Variants in PDE5A observed in about 807,000 individuals in gnomAD.
PDE5A encodes cGMP-specific 3',5'-cyclic phosphodiesterase.
A neutral mutation model predicts 110.2 loss-of-function variants in PDE5A; 67 were observed. The observed-to-expected ratio is 0.61, with a 90% CI of 0.50 to 0.75. The LOEUF is 0.75. PDE5A is among the 30% of genes least tolerant of loss of function. PDE5A has a pLI of 0.00. For missense variants in PDE5A, 862 were observed against 1,045.1 expected (o/e 0.82, Z 2.42); for synonymous variants, 328 against 351.2 (o/e 0.93, Z 0.74).
intron 7 of PDE5A, among the ~76,000 whole-genome samples, chr4:119,554,243 TTCTG>T (rs1450101240): frequency 6.6e-6 from 1 of 152,290 alleles, no homozygotes; most frequent in South Asian, 2.1e-4. Context: ...TTCTTTCTCC[TTCTG>T]TCTTTTTGTC....
At chr4:119,574,416 T>G (rs1223297060) in intron 3 of PDE5A, among the ~76,000 whole-genome samples, 2 of 151,902 alleles carry the variant, frequency 1.3e-5, no homozygotes, top group African/African-American at 4.8e-5. Context: ...CTCCTGACCT[T>G]GCGATCTGCC....
intron 12 of PDE5A, among the ~76,000 whole-genome samples, chr4:119,524,952 C>T (rs1238816532): frequency 1.3e-5 from 2 of 152,046 alleles, no homozygotes; most frequent in Non-Finnish European, 2.9e-5. Flanking sequence ...AGGTTAAAAT[C>T]AGTTTTCATC....
intron 9 of PDE5A, among the ~76,000 whole-genome samples, chr4:119,550,714 AAAT>A (rs1178231644): frequency 1.3e-5 from 2 of 152,222 alleles, no homozygotes; most frequent in African/African-American, 4.8e-5. Context: ...ACTTACTAGT[AAAT>A]AATGCATTCC....
At position 119,606,924 on chromosome 4, in the gene PDE5A, T is replaced by C. The variant is rs200837957; in HGVS notation, c.526A>G (p.Ile176Val). Reference sequence around the variant, plus strand: ...CGGTCAGCAGATATCAGTCCATGGATATGCAAGAAAATTTTGTGACATAAG... The same window carrying C: ...CGGTCAGCAGATATCAGTCCATGGACATGCAAGAAAATTTTGTGACATAAG... The part of the protein sequence containing the change: ...TALCHKIFLH[I>V]HGLISADRYS... Residue 176 changes from isoleucine to valine, a missense_variant, in exon 2 of 21, where the codon ATC becomes GTC. Physicochemically the swap from Ile to Val is conservative, Grantham distance 29. Transcript: ENST00000354960. 5.0e-6 allele frequency: 8 copies of C among 1,614,106 alleles called. No individual in the cohort carries two copies. Among genetic ancestry groups the C allele is most frequent in the South Asian group, 1.1e-5 (1 of 91,088 alleles).
rs2110573601 is a variant in PDE5A, at chr4:119,627,402, G to A, written c.152+1118C>T. 1 of 677,306 alleles carries A rather than the reference G, an allele frequency of 1.5e-6. No individual in the cohort carries two copies. Among genetic ancestry groups the A allele is most frequent in the Non-Finnish European group, 1.8e-6 (1 of 547,704 alleles). The allele number at this position is 677,306 out of a possible 1,614,324, so 42.0% of individuals were successfully genotyped here. ...GAGCCGCGGCCGCGCGCCGGCGAGT[G>A]GGACCCGGGCGTCGAACCCGGGCGG... On this transcript the variant is annotated intron_variant, in intron 1 of 20. Coordinates refer to ENST00000354960, the MANE Select transcript of PDE5A (RefSeq NM_001083.4). The surrounding 1 kb of genome is among the most constrained non-coding windows in gnomAD (Gnocchi z 4.6).
intron 3 of PDE5A, among the ~76,000 whole-genome samples, chr4:119,581,815 T>A (rs1052509023): frequency 1.3e-5 from 2 of 152,256 alleles, no homozygotes; most frequent in African/African-American, 2.4e-5. Flanking sequence ...ATTTTTAGAC[T>A]ATACTGTAAT....
chr4:119,628,532 C>G lies in PDE5A; in HGVS notation c.140G>C (p.Arg47Thr), dbSNP rs200377039. 1.6e-5 allele frequency: 25 copies of G among 1,581,986 alleles called. No individual in the cohort carries two copies. The highest frequency in any genetic ancestry group is 2.2e-5 in the Non-Finnish European group (25 of 1,159,746). The change falls in exon 1 of 21, where the codon AGA becomes ACA. Residue 47 changes from arginine (R) to threonine (T), a missense_variant. Physicochemically the swap from Arg to Thr is moderately conservative, Grantham distance 71 (BLOSUM62 -1). Coordinates refer to ENST00000354960, the MANE Select transcript of PDE5A (RefSeq NM_001083.4). ...GTCCTCTTCTTACCTGGTGGCTTTT[C>G]TAACAAAGTATGAGAAGGTAAAGTC... The part of the protein sequence containing the change: ...HWDFTFSYFV[R>T]KATREMVNAW...
At chr4:119,595,611 C>T (rs1226072401) in intron 3 of PDE5A, among the ~76,000 whole-genome samples, 1 of 152,144 alleles carries the variant, frequency 6.6e-6, no homozygotes, top group Non-Finnish European at 1.5e-5. Flanking sequence ...CTTCTCCCTC[C>T]TCTGAGACAA....
At chr4:119,600,840 C>T (rs1450107754) in intron 2 of PDE5A, among the ~76,000 whole-genome samples, 1 of 152,104 alleles carries the variant, frequency 6.6e-6, no homozygotes, top group Non-Finnish European at 1.5e-5. Context: ...TTGATGAACA[C>T]AGTATTTACA....
At chr4:119,566,946 G>T in intron 4 of PDE5A, 127 bp downstream of exon 4, 1 of 706,112 alleles carries the variant, frequency 1.4e-6, no homozygotes, top group Non-Finnish European at 2.6e-6. Flanking sequence ...GAACATTTCA[G>T]ATCATTTTTA....
intron 2 of PDE5A, among the ~76,000 whole-genome samples, chr4:119,602,483 T>C (rs1729380863): frequency 6.6e-6 from 1 of 152,116 alleles, no homozygotes; most frequent in Non-Finnish European, 1.5e-5. Context: ...ATAAGGCTGG[T>C]TTTCTTCCAC....
chr4:119,521,400 G>A (rs771331656), intron 12 of PDE5A, among the ~76,000 whole-genome samples: 3 of 150,208 alleles, frequency 2.0e-5, no homozygotes, highest in East Asian at 2.0e-4. Flanking sequence ...AAAGGTCCAT[G>A]TGTCCATGTG....
chr4:119,499,207 A>G (rs1052803422), intron 20 of PDE5A, among the ~76,000 whole-genome samples: 2 of 152,212 alleles, frequency 1.3e-5, no homozygotes, highest in East Asian at 3.9e-4. Flanking sequence ...TACCAATTAT[A>G]GTGCCATAAA....
chr4:119,551,791 CT>C (rs1727365145), intron 9 of PDE5A: 1 of 152,144 alleles, frequency 6.6e-6, no homozygotes, highest in African/African-American at 2.4e-5. Context: ...AGTATTCAGA[CT>C]TTTAAAGTTA....
chr4:119,618,120 T>C (rs1416817968), intron 1 of PDE5A, among the ~76,000 whole-genome samples: 2 of 152,268 alleles, frequency 1.3e-5, no homozygotes, highest in East Asian at 3.9e-4. Flanking sequence ...AACCCCAGAA[T>C]CACCTCTTTC....
chr4:119,537,777 C>T (rs2256645), intron 11 of PDE5A, among the ~76,000 whole-genome samples: 147,524 of 151,670 alleles, frequency 0.97, 71,880 homozygotes, highest in East Asian at 1. Context: ...CTCAAACTTA[C>T]CTTGTCCTAA....
chr4:119,559,838 C>T (rs913251114), intron 7 of PDE5A, among the ~76,000 whole-genome samples: 30 of 152,030 alleles, frequency 2.0e-4, no homozygotes, highest in African/African-American at 7.3e-4. Context: ...CCCCAAATTC[C>T]AGGACATCAG....
At position 119,495,566 on chromosome 4, in the gene PDE5A, A is replaced by T. The variant is rs559169062; in HGVS notation, c.*3035T>A. On this transcript the variant is annotated 3_prime_UTR_variant, in exon 21 of 21. Coordinates refer to ENST00000354960, the MANE Select transcript of PDE5A (RefSeq NM_001083.4). ...AATATTTATTTGCTATGCTGAAAATAAAGGCACTTCACTGCTAGGCAAGAA... is the reference window on the plus strand; with the variant it reads ...AATATTTATTTGCTATGCTGAAAATTAAGGCACTTCACTGCTAGGCAAGAA... The T allele has an allele frequency of 3.9e-5, 6 of 152,740 alleles. No individual in the cohort carries two copies. The highest frequency in any genetic ancestry group is 1.4e-4 in the African/African-American group (6 of 41,588). 9.5% of individuals were successfully genotyped at this position (152,740 alleles called of 1,614,324 possible). A position where few individuals can be genotyped will look rare whatever the true frequency, so the allele number is the denominator to read the frequency against.
chr4:119,609,174 A>G (rs980753397), intron 1 of PDE5A, among the ~76,000 whole-genome samples: 4 of 151,400 alleles, frequency 2.6e-5, no homozygotes, highest in Non-Finnish European at 5.9e-5. Context: ...AAAAAAAAAT[A>G]AAAAAAAATA....
Sources: gnomAD v4.1 joint callset for allele counts (sites outside exome capture counted in the v4.1 genomes callset) on GRCh38, gnomAD v4.1.1 for gene constraint, Gnocchi (gnomAD v3.1) non-coding constraint, MANE v1.5 for transcripts, NCBI Gene and HGNC (gene_info 2026-07-23, HGNC 2026-07-21) for gene names.